The following TAF4 variants were observed in gnomAD, a reference collection of about 807,000 sequenced individuals.
The protein encoded by TAF4 is TATA-box binding protein associated factor 4, also known as transcription initiation factor TFIID subunit 4.
A neutral mutation model predicts 90.3 loss-of-function variants in TAF4; 9 were observed. The observed-to-expected ratio is 0.10, with a 90% confidence interval of 0.06 to 0.17. TAF4 has a LOEUF of 0.17. Among genes scored for constraint, TAF4 ranks in the 10% least tolerant of loss-of-function variants. The pLI, the probability that TAF4 is intolerant of heterozygous loss-of-function variation, is 1.00. For synonymous variants in TAF4, 818 were observed against 638.9 expected (o/e 1.28, Z -4.23); for missense variants, 1,351 against 1,370.7 (o/e 0.99, Z 0.23).
chr20:61,992,079 A>G (rs1013656734), intron 14 of TAF4, among the ~76,000 whole-genome samples: 17 of 152,246 alleles, frequency 1.1e-4, no homozygotes, highest in Non-Finnish European at 2.4e-4. Flanking sequence ...GGCTGCTCCC[A>G]TGAAGCGTTC....
intron 14 of TAF4, chr20:61,981,275 G>A (rs937186724): frequency 7.9e-5 from 12 of 152,146 alleles, no homozygotes; most frequent in African/African-American, 2.9e-4. Flanking sequence ...TCAGAGAAGA[G>A]TCAAAAAATG....
intron 1 of TAF4, among the ~76,000 whole-genome samples, chr20:62,039,357 C>G (rs2055951275): frequency 6.6e-6 from 1 of 152,206 alleles, no homozygotes. Flanking sequence ...AGGAAGGTCT[C>G]CTCAACACAT....
intron 3 of TAF4, among the ~76,000 whole-genome samples, chr20:62,011,195 A>C (rs1402375861): frequency 1.3e-5 from 2 of 151,964 alleles, no homozygotes; most frequent in African/African-American, 4.8e-5. Flanking sequence ...AACAATAAGC[A>C]TGGATTTTTT....
chr20:62,063,820 G>A (rs911786711), intron 1 of TAF4, among the ~76,000 whole-genome samples: 2 of 152,248 alleles, frequency 1.3e-5, no homozygotes, highest in African/African-American at 4.8e-5. Flanking sequence ...GAGGACTCTC[G>A]CAGGATGCGC....
intron 1 of TAF4, among the ~76,000 whole-genome samples, chr20:62,027,286 T>A (rs2055880558): frequency 6.6e-6 from 1 of 152,192 alleles, no homozygotes; most frequent in Non-Finnish European, 1.5e-5. Flanking sequence ...GTGCAAACCC[T>A]AAACGGGCAC....
chr20:62,025,166 C>A (rs2055867903), intron 1 of TAF4, among the ~76,000 whole-genome samples: 1 of 148,760 alleles, frequency 6.7e-6, no homozygotes, highest in Non-Finnish European at 1.5e-5. Flanking sequence ...TGCCATTCCA[C>A]CTGAGGTGTT....
Position 62,014,653 on chromosome 20 carries a change from G to A in TAF4, c.1415C>T (p.Ala472Val). The change falls in exon 2 of 15, where the codon GCC (alanine) becomes GTC (valine). Residue 472 changes from alanine to valine, a missense_variant. Around this residue, in one of 9 missense-constraint regions of TAF4, gnomAD observed 143 missense variants for 176.3 expected, o/e 0.81. Coordinates refer to ENST00000252996, the MANE Select transcript of TAF4 (RefSeq NM_003185.4). ...NGQLLMIPQQ[A>V]LAQMQAQAHA... ...GGCCTGCGCCTGCATCTGGGCCAAG[G>A]CCTGCTGAGGAATCATTAACAACTG... The A allele has an allele frequency of 6.2e-7, 1 of 1,614,066 alleles. No homozygotes were observed.
At position 62,064,677 on chromosome 20, in the gene TAF4, A is replaced by T; in HGVS notation, c.1134T>A (p.Thr378=). ...CCGGGCTGGGCAGCGCCCCTTGCAT[A>T]GTTGGCCCGATGACCATGCTGGCCG... The part of the protein sequence containing the change: ...STAASMVIGP[T]MQGALPSPAA... The change falls in exon 1 of 15, where the codon ACT becomes ACA. Residue 378 remains threonine (T), a synonymous_variant. Coordinates refer to ENST00000252996, the MANE Select transcript of TAF4 (RefSeq NM_003185.4). The T allele has an allele frequency of 1.6e-6, 2 of 1,269,418 alleles. No individual in the cohort carries two copies. The highest frequency in any genetic ancestry group is 2.0e-6 in the Non-Finnish European group (2 of 1,014,106). 78.6% of individuals were successfully genotyped at this position (1,269,418 alleles called of 1,614,324 possible). A position where few individuals can be genotyped will look rare whatever the true frequency, so the allele number is the denominator to read the frequency against.
At chr20:62,053,823 GGC>G (rs2056045114) in intron 1 of TAF4, among the ~76,000 whole-genome samples, 1 of 152,232 alleles carries the variant, frequency 6.6e-6, no homozygotes, top group Non-Finnish European at 1.5e-5. Flanking sequence ...AAGTCTTCTC[GGC>G]TGAAACTAGG....
At chr20:62,045,351 G>T (rs1190410951) in intron 1 of TAF4, among the ~76,000 whole-genome samples, 2 of 152,188 alleles carry the variant, frequency 1.3e-5, no homozygotes, top group African/African-American at 4.8e-5. Flanking sequence ...CTCTACCCTT[G>T]ACTCGCTTCA....
In TAF4 at chr20:62,006,870, T is replaced by C. The variant is rs1479871761; in HGVS notation, c.1975-112A>G. On this transcript the variant is annotated intron_variant, in intron 6 of 14. Transcript: ENST00000252996. The surrounding 1 kb of genome is among the most constrained non-coding windows in gnomAD (Gnocchi z 7.0). ...CAGAAAGCTTTTGAGCTAAGTAAGATGGATCTTGGCCCTCACGGCAGCATG... is the reference window on the plus strand; with the variant it reads ...CAGAAAGCTTTTGAGCTAAGTAAGACGGATCTTGGCCCTCACGGCAGCATG... The C allele has an allele frequency of 9.5e-6, 13 of 1,364,040 alleles. No individual in the cohort carries two copies. The highest frequency in any genetic ancestry group is 2.8e-5 in the East Asian group (1 of 36,058). The allele number at this position is 1,364,040 out of a possible 1,614,324, so 84.5% of individuals were successfully genotyped here.
At chr20:62,013,943 G>A (rs1197122313) in intron 2 of TAF4, among the ~76,000 whole-genome samples, 14 of 148,318 alleles carry the variant, frequency 9.4e-5, no homozygotes, top group Non-Finnish European at 2.1e-4. Flanking sequence ...GTGTGTGTGT[G>A]TGTGTGTGAA....
Position 62,006,605 on chromosome 20 carries a change from C to A in TAF4, c.2128G>T (p.Ala710Ser). ...TGGAGGGCACTGGTCACGGTGGCCG[C>A]CGTCTTCCCGGCCGTGCGCTGGACC... The part of the protein sequence containing the change: ...SSVQRTAGKT[A>S]ATVTSALQPP... The change falls in exon 7 of 15, where the codon GCG (alanine) becomes TCG (serine). Residue 710 changes from alanine (A) to serine (S), a missense_variant. Coordinates refer to ENST00000252996, the MANE Select transcript of TAF4 (RefSeq NM_003185.4). This position sits in a 1 kb window ranked among gnomAD's most constrained non-coding sequence, Gnocchi z 7.0. 6.2e-7 allele frequency: 1 copy of A among 1,601,588 alleles called. No individual in the cohort carries two copies. Among genetic ancestry groups the A allele is most frequent in the Non-Finnish European group, 8.5e-7 (1 of 1,175,198 alleles).
rs201080218 is a variant in TAF4 at position 62,010,216 on chromosome 20, C to A, written c.1642-51G>T. 6.2e-7 allele frequency: 1 copy of A among 1,611,508 alleles called. No individual in the cohort carries two copies. The highest frequency in any genetic ancestry group is 8.5e-7 in the Non-Finnish European group (1 of 1,179,434). Reference sequence around the variant, plus strand: ...AAGGGCATCTCACGCCACCAGCTGACGAGGGGGAGACCAGCCTCACGCCCA... The same window carrying A: ...AAGGGCATCTCACGCCACCAGCTGAAGAGGGGGAGACCAGCCTCACGCCCA... On this transcript the variant is annotated intron_variant, in intron 3 of 14. Coordinates refer to ENST00000252996, the MANE Select transcript of TAF4 (RefSeq NM_003185.4). This position sits in a 1 kb window ranked among gnomAD's most constrained non-coding sequence, Gnocchi z 4.5.
intron 14 of TAF4, among the ~76,000 whole-genome samples, chr20:61,990,823 G>A (rs866537099): frequency 2.0e-5 from 3 of 152,206 alleles, no homozygotes; most frequent in African/African-American, 7.2e-5. Context: ...GAGGACTCCC[G>A]TTCTTAACAT....
intron 14 of TAF4, among the ~76,000 whole-genome samples, chr20:61,993,458 C>A (rs2055644558): frequency 6.6e-6 from 1 of 152,146 alleles, no homozygotes; most frequent in Non-Finnish European, 1.5e-5. Context: ...GTCCTTCAAC[C>A]GACAAGTTGT....
At chr20:61,977,662 G>A (rs1184066048) in intron 14 of TAF4, among the ~76,000 whole-genome samples, 10 of 152,298 alleles carry the variant, frequency 6.6e-5, no homozygotes, top group African/African-American at 1.2e-4. Flanking sequence ...GACGCCCTGC[G>A]CTGTGAGGGC....
chr20:62,017,987 T>C (rs1422882833), intron 1 of TAF4, among the ~76,000 whole-genome samples: 1 of 149,184 alleles, frequency 6.7e-6, no homozygotes, highest in Non-Finnish European at 1.5e-5. Flanking sequence ...CATGGGTCAC[T>C]GTGAAAATGT....
At chr20:61,990,837 G>A (rs979043418) in intron 14 of TAF4, among the ~76,000 whole-genome samples, 8 of 152,176 alleles carry the variant, frequency 5.3e-5, no homozygotes, top group Non-Finnish European at 7.3e-5. Flanking sequence ...TTAACATCAC[G>A]GGAAAGTAAC....
Sources: gnomAD v4.1 joint callset for allele counts (sites outside exome capture counted in the v4.1 genomes callset) on GRCh38, gnomAD v4.1.1 for gene constraint, gnomAD v4.1.1 regional missense constraint, Gnocchi (gnomAD v3.1) non-coding constraint, MANE v1.5 for transcripts, NCBI Gene and HGNC (gene_info 2026-07-23, HGNC 2026-07-21) for gene names.